Variants in TPH1 observed in about 807,000 individuals in gnomAD.
TPH1 encodes tryptophan hydroxylase 1.
In TPH1, 37 loss-of-function variants were observed where a neutral mutation model predicts 49.5. The ratio of observed to expected loss-of-function variants is 0.75; its 90% confidence interval spans 0.58 to 0.98. The LOEUF (loss-of-function observed/expected upper bound fraction) is 0.98. Ranked by LOEUF, TPH1 falls within the 50% of genes least tolerant of loss-of-function variation. TPH1 has a pLI of 0.00. For missense variants in TPH1, 487 were observed against 523.6 expected, an observed-to-expected ratio of 0.93 and a Z score of 0.68; for synonymous variants, 160 against 182.1, an observed-to-expected ratio of 0.88 and a Z score of 0.98.
At chr11:18,026,183 C>T (rs1257314665) in intron 7 of TPH1, among the ~76,000 whole-genome samples, 1 of 152,082 alleles carries the variant, frequency 6.6e-6, no homozygotes, top group African/African-American at 2.4e-5. Flanking sequence ...ATCTGTTTCC[C>T]CCACTGGAAT....
chr11:18,045,238 T>C (rs1176542227), intron 1 of TPH1, among the ~76,000 whole-genome samples: 2 of 152,182 alleles, frequency 1.3e-5, no homozygotes, highest in African/African-American at 4.8e-5. Context: ...GGAGTCTTGA[T>C]TTTCTTTTCT....
At chr11:18,033,478 T>A in intron 3 of TPH1, 104 bp from the exon 4 acceptor site, 1 of 918,188 alleles carries the variant, frequency 1.1e-6, no homozygotes, top group Non-Finnish European at 1.7e-6. Flanking sequence ...TGGATGAGAG[T>A]TTTAATTTTA....
chr11:18,038,379 G>C (rs951134061), intron 2 of TPH1, among the ~76,000 whole-genome samples: 13 of 152,314 alleles, frequency 8.5e-5, no homozygotes, highest in Admixed American at 2.6e-4. Flanking sequence ...ACAGCAGCGT[G>C]CATAGGTCTT....
At chr11:18,037,534 T>A (rs1848058592) in intron 2 of TPH1, among the ~76,000 whole-genome samples, 1 of 152,002 alleles carries the variant, frequency 6.6e-6, no homozygotes, top group South Asian at 2.1e-4. Context: ...TAAAGAAGAG[T>A]TTCATTTCAT....
At chr11:18,035,644 G>A (rs1302687898) in intron 3 of TPH1, among the ~76,000 whole-genome samples, 1 of 151,950 alleles carries the variant, frequency 6.6e-6, no homozygotes, top group East Asian at 1.9e-4. Flanking sequence ...GCCCAGGATG[G>A]TCCTGAACTC....
At chr11:18,044,102 T>C (rs1264132715) in intron 1 of TPH1, among the ~76,000 whole-genome samples, 1 of 152,182 alleles carries the variant, frequency 6.6e-6, no homozygotes, top group Admixed American at 6.5e-5. Flanking sequence ...GCAAGGCATT[T>C]ATATTATTTT....
At chr11:18,025,515 C>T (rs538855754) in intron 8 of TPH1, 60 bp downstream of exon 8, 2 of 1,607,068 alleles carry the variant, frequency 1.2e-6, no homozygotes, top group East Asian at 4.5e-5. Flanking sequence ...TACTTTTAAA[C>T]TACACAGATA....
intron 8 of TPH1, among the ~76,000 whole-genome samples, chr11:18,025,115 C>T (rs570057464): frequency 6.6e-6 from 1 of 152,322 alleles, no homozygotes; most frequent in East Asian, 1.9e-4. Context: ...ATTTCCAGCA[C>T]AGTGTCTTGT....
At position 18,022,845 on chromosome 11, in the gene TPH1, A is replaced by C. The variant is rs1438892280; in HGVS notation, c.1113T>G (p.Asp371Glu). Residue 371 changes from aspartate (D) to glutamate (E), a missense_variant, in exon 10 of 11, where the codon GAT (aspartate) becomes GAG (glutamate). Physicochemically the swap from Asp to Glu is conservative, Grantham distance 45. Coordinates refer to ENST00000682019, the MANE Select transcript of TPH1 (RefSeq NM_004179.3). ...CAAAACTTTCAGATACAAAGTAGACATCTTGAAAAGTTGTGATAAGACATT... is the reference window on the plus strand; with the variant it reads ...CAAAACTTTCAGATACAAAGTAGACCTCTTGAAAAGTTGTGATAAGACATT... ...KQECLITTFQ[D>E]VYFVSESFED... is the part of the protein sequence containing the mutation. 6.2e-7 allele frequency: 1 copy of C among 1,613,634 alleles called. No individual in the cohort carries two copies. Among genetic ancestry groups the C allele is most frequent in the Non-Finnish European group, 8.5e-7 (1 of 1,179,650 alleles).
In TPH1 at chr11:18,029,494, T is replaced by A. The variant is rs774695946; in HGVS notation, c.470+18A>T. On this transcript the variant is annotated intron_variant, in intron 5 of 10. Transcript: ENST00000682019. ...TTTATTATCTCAAAGTTGACTATATTTTTTTAAATATACTTACTGTTTATA... is the reference window on the plus strand; with the variant it reads ...TTTATTATCTCAAAGTTGACTATATATTTTTAAATATACTTACTGTTTATA... 43 of 1,598,280 alleles carry A rather than the reference T, an allele frequency of 2.7e-5. No individual in the cohort carries two copies. The highest frequency in any genetic ancestry group is 9.4e-5 in the African/African-American group (7 of 74,512).
In TPH1 at chr11:18,033,273, C is replaced by T; in HGVS notation, c.402+1G>A. On this transcript the variant is annotated splice_donor_variant, in intron 4 of 10. Transcript: ENST00000682019. LOFTEE classifies it high-confidence loss of function. ...CTCTTAAAAAAAAAGAAAATACTTA[C>T]AGGATGGTCTGCATCTAGTTCAGAT... 2 of 1,610,126 alleles carry T rather than the reference C, an allele frequency of 1.2e-6. No homozygotes were observed. The highest frequency in any genetic ancestry group is 1.7e-6 in the Non-Finnish European group (2 of 1,176,468).
At chr11:18,031,698 G>A (rs1203296814) in intron 4 of TPH1, among the ~76,000 whole-genome samples, 1 of 152,098 alleles carries the variant, frequency 6.6e-6, no homozygotes, top group Admixed American at 6.5e-5. Context: ...TAAAACTGAT[G>A]TACTCACCTT....
chr11:18,023,210 G>C, intron 9 of TPH1: 2 of 398,796 alleles, frequency 5.0e-6, no homozygotes, highest in Non-Finnish European at 9.4e-6. Flanking sequence ...ATTTATTCCT[G>C]TATTATGGCA....
chr11:18,024,074 G>T, intron 8 of TPH1, 91 bp from the exon 9 acceptor site: 1 of 960,952 alleles, frequency 1.0e-6, no homozygotes, highest in Non-Finnish European at 1.7e-6. Flanking sequence ...AAATACCCTA[G>T]AATAAAGTCC....
At chr11:18,035,180 C>T (rs1411851224) in intron 3 of TPH1, among the ~76,000 whole-genome samples, 1 of 152,212 alleles carries the variant, frequency 6.6e-6, no homozygotes, top group Non-Finnish European at 1.5e-5. Context: ...TTGTGAGCAA[C>T]TGTCAACATT....
chr11:18,022,500 C>T (rs895912026), intron 10 of TPH1, among the ~76,000 whole-genome samples: 1 of 152,184 alleles, frequency 6.6e-6, no homozygotes, highest in African/African-American at 2.4e-5. Context: ...TTGTCATTTT[C>T]CATGTTGTTA....
chr11:18,025,797 G>C (rs1847923818), intron 7 of TPH1, 96 bp from the exon 8 acceptor site: 2 of 1,514,386 alleles, frequency 1.3e-6, no homozygotes, highest in African/African-American at 1.4e-5. Flanking sequence ...TTATTCTAAT[G>C]ATCGGGTGAT....
At chr11:18,029,413 G>A (rs1032012477) in intron 5 of TPH1, 52 bp from the exon 6 acceptor site, 1 of 1,564,202 alleles carries the variant, frequency 6.4e-7, no homozygotes, top group Non-Finnish European at 8.8e-7. Flanking sequence ...AATAAATAGT[G>A]GCACTTATTT....
chr11:18,024,010 C>T, intron 8 of TPH1, 27 bp from the exon 9 acceptor site: 4 of 1,507,800 alleles, frequency 2.7e-6, no homozygotes, highest in Non-Finnish European at 3.7e-6. Context: ...ATATTATTCT[C>T]ACACACTGAC....
Sources: allele counts gnomAD v4.1 joint callset (sites outside exome capture counted in the v4.1 genomes callset), GRCh38; gene constraint gnomAD v4.1.1; transcripts MANE v1.5; gene names NCBI Gene and HGNC (gene_info 2026-07-23, HGNC 2026-07-21).